IFT140: variants seen among roughly 807,000 people sequenced by gnomAD.
IFT140 encodes the protein intraflagellar transport protein 140 homolog.
In IFT140, 133 loss-of-function variants were observed where a neutral mutation model predicts 164.6. That is an observed-to-expected ratio of 0.81 (90% confidence interval 0.70 to 0.93). IFT140 has a LOEUF of 0.93. Among genes scored for constraint, IFT140 ranks in the 40% least tolerant of loss-of-function variants. The pLI is 0.00. For missense variants in IFT140, 2,045 were observed against 1,972.3 expected (o/e 1.04, Z -0.70); for synonymous variants, 860 against 817.3 (o/e 1.05, Z -0.89).
chr16:1,526,876 A>T, intron 19 of IFT140, 80 bp from the exon 20 acceptor site: 1 of 1,434,498 alleles, frequency 7.0e-7, no homozygotes, highest in Non-Finnish European at 9.3e-7. Flanking sequence ...CTCCTGGGGC[A>T]AGTAGTCATC....
At chr16:1,607,331 G>GT in intron 2 of IFT140, 34 bp from the exon 3 acceptor site, 1 of 1,527,694 alleles carries the variant, frequency 6.5e-7, no homozygotes, top group Non-Finnish European at 8.9e-7. Context: ...AGTCCAATCA[G>GT]TTTTAAATAA....
intron 17 of IFT140, among the ~76,000 whole-genome samples, chr16:1,562,593 G>A (rs1302985480): frequency 1.3e-5 from 2 of 152,166 alleles, no homozygotes; most frequent in African/African-American, 4.8e-5. Flanking sequence ...CCAACGTGAT[G>A]AAACCCCGTC....
chr16:1,528,679 G>A (rs1365452741), intron 19 of IFT140: 1 of 153,898 alleles, frequency 6.5e-6, no homozygotes, highest in Non-Finnish European at 1.5e-5. Context: ...ATAAGCCTCA[G>A]TCCAGCCCAC....
chr16:1,541,039 C>T (rs1282732532), intron 19 of IFT140: 8 of 985,394 alleles, frequency 8.1e-6, no homozygotes, highest in Non-Finnish European at 9.6e-6. Context: ...GCTACAGAAA[C>T]GTGACGAGCC....
intron 19 of IFT140, chr16:1,541,012 C>A (rs1194476284): frequency 3.0e-6 from 3 of 985,216 alleles, no homozygotes; most frequent in Non-Finnish European, 3.6e-6. Context: ...GTTTTATTTG[C>A]GGGAGAACAT....
chr16:1,547,623 G>A (rs540448961), intron 19 of IFT140, among the ~76,000 whole-genome samples: 4 of 152,210 alleles, frequency 2.6e-5, no homozygotes, highest in African/African-American at 4.8e-5. Flanking sequence ...TATAAGTTCC[G>A]CCTCCCAGGT....
At chr16:1,541,339 G>A in intron 19 of IFT140, 1 of 985,398 alleles carries the variant, frequency 1.0e-6, no homozygotes, top group Middle Eastern at 5.2e-4. Context: ...TCAGCCCCTT[G>A]CTGGTTATGA....
intron 10 of IFT140, 143 bp downstream of exon 10, chr16:1,585,986 TG>T: frequency 1.1e-6 from 1 of 912,476 alleles, no homozygotes; most frequent in Non-Finnish European, 1.8e-6. Flanking sequence ...TTAGCCAGGA[TG>T]GTCTCGATCT....
chr16:1,551,728 G>A lies in IFT140; in HGVS notation c.2399+6207C>T, dbSNP rs2032654192. On this transcript the variant is annotated intron_variant, in intron 19 of 30. Transcript: ENST00000426508. The surrounding 1 kb of genome is among the most constrained non-coding windows in gnomAD (Gnocchi z 4.0). ...GCACTTCAGTCTTCTACGGGGTTTT[G>A]TTGGGAGCTACCTATACAAAGGAGG... Among the ~76,000 whole-genome samples the A allele has an allele frequency of 1.3e-5, 2 of 152,182 alleles. No individual in the cohort carries two copies. The highest frequency in any genetic ancestry group is 1.3e-4 in the Admixed American group (2 of 15,276).
chr16:1,544,519 G>A (rs183189026), intron 19 of IFT140, among the ~76,000 whole-genome samples: 470 of 152,064 alleles, frequency 3.1e-3, no homozygotes, highest in Non-Finnish European at 3.7e-3. Flanking sequence ...TAGTAGAGAC[G>A]GGGTTTCACC....
At chr16:1,596,904 G>C (rs1227055407) in intron 4 of IFT140, among the ~76,000 whole-genome samples, 4 of 152,032 alleles carry the variant, frequency 2.6e-5, no homozygotes. Flanking sequence ...TGTGAATTCT[G>C]CGTTATTTCA....
rs137889294 is a variant in IFT140, at chr16:1,550,629, C to G, written c.2399+7306G>C. ...GGCAGGCTGCCTCAGGGCAGGAGGC[C>G]GGGCTCAGTTCTGCCTACCCGCTCT... On this transcript the variant is annotated intron_variant, in intron 19 of 30. Coordinates refer to ENST00000426508, the MANE Select transcript of IFT140 (RefSeq NM_014714.4). 5.0e-3 allele frequency among the ~76,000 whole-genome samples: 754 copies of G among 152,252 alleles called. 5 individuals are homozygous for G. The highest frequency in any genetic ancestry group is 0.016 in the South Asian group (75 of 4,828).
In IFT140 at chr16:1,551,084, C is replaced by T. The variant is rs2032596833; in HGVS notation, c.2399+6851G>A. ...AAGGCTGCTGTTCCTCCTCGCCTTTCCCGCAGCTCCACACTGCATTCTGTT... is the reference window on the plus strand; with the variant it reads ...AAGGCTGCTGTTCCTCCTCGCCTTTTCCGCAGCTCCACACTGCATTCTGTT... On this transcript the variant is annotated intron_variant, in intron 19 of 30. Coordinates refer to ENST00000426508, the MANE Select transcript of IFT140 (RefSeq NM_014714.4). The surrounding 1 kb of genome is among the most constrained non-coding windows in gnomAD (Gnocchi z 4.0). Among the ~76,000 whole-genome samples the T allele has an allele frequency of 6.6e-6, 1 of 152,198 alleles. No homozygotes were observed. The highest frequency in any genetic ancestry group is 2.1e-4 in the South Asian group (1 of 4,836).
At chr16:1,591,777 TC>T (rs2035195049) in intron 6 of IFT140, among the ~76,000 whole-genome samples, 1 of 152,146 alleles carries the variant, frequency 6.6e-6, no homozygotes, top group Non-Finnish European at 1.5e-5. Context: ...TGCTCACACC[TC>T]ATTCCCACAC....
chr16:1,548,269 C>G (rs535511182), intron 19 of IFT140, among the ~76,000 whole-genome samples: 2 of 152,214 alleles, frequency 1.3e-5, no homozygotes, highest in African/African-American at 4.8e-5. Flanking sequence ...TGCAGCTGTA[C>G]GAAGAGCATC....
At position 1,603,051 on chromosome 16, in the gene IFT140, T is replaced by C. The variant is rs573806648; in HGVS notation, c.148-460A>G. On this transcript the variant is annotated intron_variant, in intron 3 of 30. Coordinates refer to ENST00000426508, the MANE Select transcript of IFT140 (RefSeq NM_014714.4). ...GGGGCAATGTTCTCAGTAGACTCTTTAATTTTTCATAAAAACGCACCAACC... is the reference window on the plus strand; with the variant it reads ...GGGGCAATGTTCTCAGTAGACTCTTCAATTTTTCATAAAAACGCACCAACC... Among the ~76,000 whole-genome samples, 5 of 152,294 alleles carry C rather than the reference T, an allele frequency of 3.3e-5. 1 individual carries two copies. The South Asian group carries it at 8.3e-4, about 25-fold the overall frequency.
intron 19 of IFT140, chr16:1,541,200 TGTGA>T (rs1175717354): frequency 1.0e-6 from 1 of 985,276 alleles, no homozygotes; most frequent in Non-Finnish European, 1.2e-6. Flanking sequence ...ACAGGCCTGC[TGTGA>T]GTGGGGAAGC....
chr16:1,562,194 T>C (rs941437999), intron 17 of IFT140, 78 bp from the exon 18 acceptor site: 120 of 1,315,386 alleles, frequency 9.1e-5, no homozygotes, highest in Middle Eastern at 1.9e-4. Context: ...GCCATTTTGC[T>C]ACACACACTG....
chr16:1,556,960 C>A (rs1015583519), intron 19 of IFT140, among the ~76,000 whole-genome samples: 1 of 152,060 alleles, frequency 6.6e-6, no homozygotes, highest in African/African-American at 2.4e-5. Flanking sequence ...CAGGAACGCA[C>A]CACAACTGCC....
Sources: gnomAD v4.1 joint callset for allele counts (sites outside exome capture counted in the v4.1 genomes callset) on GRCh38, gnomAD v4.1.1 for gene constraint, Gnocchi (gnomAD v3.1) non-coding constraint, MANE v1.5 for transcripts, NCBI Gene and HGNC (gene_info 2026-07-23, HGNC 2026-07-21) for gene names.